Variants in USP2 observed in about 807,000 individuals in gnomAD.
USP2 encodes the protein ubiquitin carboxyl-terminal hydrolase 2.
A neutral mutation model predicts 72.0 loss-of-function variants in USP2; 33 were observed. The observed-to-expected ratio is 0.46, with a 90% CI of 0.35 to 0.61. USP2 has a LOEUF of 0.61. Among genes scored for constraint, USP2 ranks in the 20% least tolerant of loss-of-function variants. The probability of loss-of-function intolerance (pLI) is 0.01; values close to 1 mark genes in which losing one functional copy is unlikely to be tolerated. For synonymous variants in USP2, 296 were observed against 312.5 expected (o/e 0.95, Z 0.56); for missense variants, 691 against 797.8 (o/e 0.87, Z 1.61).
At position 119,375,619 on chromosome 11, in the gene USP2, C is replaced by G. The variant is rs149581274; in HGVS notation, c.-41-2098G>C. On this transcript the variant is annotated intron_variant, in intron 1 of 12. Coordinates refer to ENST00000260187, the MANE Select transcript of USP2 (RefSeq NM_004205.5). ...TCCTGCCCTATTTTGCTTTGGAGAA[C>G]TCCATCAATAATGCAAAGTCAAAGA... Among the ~76,000 whole-genome samples the G allele has an allele frequency of 1.4e-4, 21 of 152,334 alleles. No individual in the cohort carries two copies. In the East Asian group the frequency reaches 4.1e-3, roughly 29 times the overall value.
intron 2 of USP2, chr11:119,363,744 G>C (rs1950804565): frequency 1.2e-6 from 1 of 862,558 alleles, no homozygotes; most frequent in African/African-American, 1.8e-5. Flanking sequence ...GTGGGGGCTG[G>C]GAAGAATCCG....
chr11:119,355,487 T>TAC lies in USP2; in HGVS notation c.*1347_*1348insGT, dbSNP rs1430588757. ...TACTCTCCAGGACAGCACAGAGTTT[T>TAC]ATCCAACTATGTAGGGCAAAATTGA... On this transcript the variant is annotated 3_prime_UTR_variant, in exon 13 of 13. Transcript: ENST00000260187. 1.7e-4 allele frequency: 26 copies of TAC among 152,250 alleles called. No homozygotes were observed. Among genetic ancestry groups the TAC allele is most frequent in the African/African-American group, 4.3e-4 (18 of 41,454 alleles). The allele number at this position is 152,250 out of a possible 1,614,324, so 9.4% of individuals were successfully genotyped here.
chr11:119,357,134 G>A (rs11217253), intron 12 of USP2, 53 bp downstream of exon 12: 5 of 1,573,656 alleles, frequency 3.2e-6, no homozygotes, highest in Middle Eastern at 2.2e-4. Context: ...TGGAGGAGTG[G>A]GGGGAGAGTG....
intron 2 of USP2, among the ~76,000 whole-genome samples, chr11:119,360,671 T>G (rs950871970): frequency 2.0e-5 from 3 of 152,154 alleles, no homozygotes; most frequent in African/African-American, 7.2e-5. Context: ...GTGATCCACC[T>G]GCCTCAGCTT....
At chr11:119,358,994 G>T in intron 6 of USP2, 30 bp downstream of exon 6, 2 of 1,609,292 alleles carry the variant, frequency 1.2e-6, no homozygotes, top group African/African-American at 1.3e-5. Context: ...CAAAAGTTTT[G>T]CTTTCCCACA....
At chr11:119,358,559 A>G (rs559886183) in intron 7 of USP2, 1 of 630,916 alleles carries the variant, frequency 1.6e-6, no homozygotes, top group Admixed American at 2.9e-5. Flanking sequence ...CAGGTGATCT[A>G]CCCGCCTTGG....
intron 2 of USP2, chr11:119,363,719 C>G: frequency 1.6e-6 from 1 of 644,424 alleles, no homozygotes; most frequent in Non-Finnish European, 2.3e-6. Flanking sequence ...GCCAGGAGAC[C>G]CTGGGAAAGG....
chr11:119,356,882 C>A lies in USP2; in HGVS notation c.1771G>T (p.Ala591Ser), dbSNP rs867511194. 6.4e-7 allele frequency: 1 copy of A among 1,565,292 alleles called. No individual in the cohort carries two copies. Residue 591 changes from alanine (A) to serine (S), a missense_variant, in exon 13 of 13, where the codon GCC becomes TCC. Ala to Ser is a moderately conservative substitution (Grantham distance 99). Transcript: ENST00000260187. ...GCCAGTTCGTAGAAGAGCAGGTAGG[C>A]GTCGCTGGTGCGCACTTGGCTGGAG... ...MSSSQVRTSD[A>S]YLLFYELASP...
intron 1 of USP2, among the ~76,000 whole-genome samples, chr11:119,379,976 G>A (rs911947052): frequency 6.9e-6 from 1 of 144,712 alleles, no homozygotes; most frequent in Non-Finnish European, 1.5e-5. Flanking sequence ...GTGCAGTGGC[G>A]CGATCTTGGC....
intron 2 of USP2, among the ~76,000 whole-genome samples, chr11:119,369,602 TA>T (rs1483647620): frequency 6.6e-6 from 1 of 152,200 alleles, no homozygotes; most frequent in African/African-American, 2.4e-5. Flanking sequence ...CCCTTAAGTT[TA>T]AATGACCTCT....
At chr11:119,357,622 C>T in intron 10 of USP2, 32 bp from the exon 11 acceptor site, 1 of 1,614,098 alleles carries the variant, frequency 6.2e-7, no homozygotes. Context: ...GATAGTCAAA[C>T]CAATGCAGAA....
intron 2 of USP2, among the ~76,000 whole-genome samples, chr11:119,361,230 G>A (rs1950760341): frequency 6.6e-6 from 1 of 152,242 alleles, no homozygotes; most frequent in Non-Finnish European, 1.5e-5. Flanking sequence ...GCAGAGGCAA[G>A]GGCCTGGCTG....
chr11:119,363,491 C>T (rs1004423147), intron 2 of USP2, among the ~76,000 whole-genome samples: 12 of 152,120 alleles, frequency 7.9e-5, no homozygotes, highest in African/African-American at 2.9e-4. Flanking sequence ...AGTACCCCGG[C>T]ACGGTCCAGC....
intron 2 of USP2, among the ~76,000 whole-genome samples, chr11:119,363,681 G>GGT (rs1950802769): frequency 6.6e-6 from 1 of 151,272 alleles, no homozygotes; most frequent in African/African-American, 2.4e-5. Flanking sequence ...GAGTAAGCGT[G>GGT]CGATCACCTG....
At position 119,372,796 on chromosome 11, in the gene USP2, G is replaced by A. The variant is rs778798275; in HGVS notation, c.685C>T (p.Arg229Ter). The A allele has an allele frequency of 1.3e-5, 21 of 1,601,964 alleles. No homozygotes were observed. The highest frequency in any genetic ancestry group is 3.4e-5 in the South Asian group (3 of 88,792). ...CACAGCGTGTAGCGGCCAATGGGTC[G>A]GTAGGTTGGGCTGATGATTTCAGGG... ...RVPEIISPTY[R>*]PIGRYTLWET... is the part of the protein sequence containing the mutation. Residue 229 changes from arginine to a stop codon, truncating the protein, a stop_gained, in exon 2 of 13, where the codon CGA becomes TGA. Transcript: ENST00000260187. LOFTEE classifies it high-confidence loss of function.
chr11:119,363,023 G>A (rs1028471317), intron 2 of USP2, among the ~76,000 whole-genome samples: 1 of 152,212 alleles, frequency 6.6e-6, no homozygotes, highest in Admixed American at 6.5e-5. Context: ...AGGAGAGGCC[G>A]AGGTTTGTGT....
chr11:119,358,355 C>T (rs1051450867), intron 7 of USP2, 103 bp from the exon 8 acceptor site: 7 of 1,102,392 alleles, frequency 6.3e-6, no homozygotes, highest in Non-Finnish European at 6.6e-6. Context: ...TTTGCTCTGT[C>T]CCCCAGGCTG....
intron 2 of USP2, among the ~76,000 whole-genome samples, chr11:119,363,648 C>T (rs1280375600): frequency 6.6e-6 from 1 of 151,416 alleles, no homozygotes; most frequent in East Asian, 2.0e-4. Context: ...CTTCCTCGGA[C>T]CTCCACCCGG....
At position 119,356,528 on chromosome 11, in the gene USP2, T is replaced by TA. The variant is rs1440358825; in HGVS notation, c.*306_*307insT. The stretch of plus-strand genomic sequence containing the variant: ...GCGGGAAGCGGCGCAGCGAGGGTCT[T>TA]CCCCCCCAAGACACAGTTGTTTCTG... On this transcript the variant is annotated 3_prime_UTR_variant, in exon 13 of 13. Coordinates refer to ENST00000260187, the MANE Select transcript of USP2 (RefSeq NM_004205.5). 3.5e-6 allele frequency: 1 copy of TA among 288,478 alleles called. No individual in the cohort carries two copies. Among genetic ancestry groups the TA allele is most frequent in the East Asian group, 5.7e-5 (1 of 17,548 alleles). The allele number at this position is 288,478 out of a possible 1,614,324, so 17.9% of individuals were successfully genotyped here.
Sources: allele counts gnomAD v4.1 joint callset (sites outside exome capture counted in the v4.1 genomes callset), GRCh38; gene constraint gnomAD v4.1.1; transcripts MANE v1.5; gene names NCBI Gene and HGNC (gene_info 2026-07-23, HGNC 2026-07-21).